RNASE4: variants seen among roughly 807,000 people sequenced by gnomAD.
RNASE4 encodes ribonuclease 4.
For missense variants in RNASE4, 194 were observed against 192.8 expected, an observed-to-expected ratio of 1.01 and a Z score of -0.04; for synonymous variants, 93 against 71.4, an observed-to-expected ratio of 1.30 and a Z score of -1.52.
In RNASE4 at chr14:20,697,484, T is replaced by G. The variant is rs571581594; in HGVS notation, c.-17-1871T>G. 1.1e-4 allele frequency among the ~76,000 whole-genome samples: 16 copies of G among 152,278 alleles called. No individual in the cohort carries two copies. The South Asian group carries it at 2.7e-3, about 26-fold the overall frequency. ...AGGCACACAGATATGACATACAGCT[T>G]GATATCTTTATGTGCAAAGGCAAAA... On this transcript the variant is annotated intron_variant, in intron 1 of 1. Transcript: ENST00000555835.
intron 1 of RNASE4, chr14:20,699,088 G>T: frequency 2.7e-6 from 1 of 372,646 alleles, no homozygotes. Flanking sequence ...CACGCAGTCA[G>T]TCCCTGCCCT....
At chr14:20,695,394 C>CAAAA (rs552960263) in intron 1 of RNASE4, among the ~76,000 whole-genome samples, 7 of 114,674 alleles carry the variant, frequency 6.1e-5, no homozygotes, top group African/African-American at 6.7e-5. Flanking sequence ...GACTCCATCT[C>CAAAA]AAAAAAAAAA....
chr14:20,688,733 A>G, intron 1 of RNASE4: 1 of 985,270 alleles, frequency 1.0e-6, no homozygotes, highest in Non-Finnish European at 1.2e-6. Context: ...CTGGGACACT[A>G]TATATTAGGA....
intron 1 of RNASE4, among the ~76,000 whole-genome samples, chr14:20,697,785 A>G (rs1168090028): frequency 2.0e-5 from 3 of 152,180 alleles, no homozygotes; most frequent in African/African-American, 7.2e-5. Context: ...CTCTCAAAAC[A>G]TTGCCCTTGC....
intron 1 of RNASE4, among the ~76,000 whole-genome samples, chr14:20,685,955 T>A (rs2319383): frequency 2.0e-5 from 3 of 151,136 alleles, no homozygotes; most frequent in Non-Finnish European, 4.4e-5. Flanking sequence ...CAGGAGACTC[T>A]CTTGAACCTG....
rs190312398 is a variant in RNASE4 at position 20,700,692 on chromosome 14, C to G, written c.*877C>G. On this transcript the variant is annotated 3_prime_UTR_variant, in exon 2 of 2. Coordinates refer to ENST00000555835, the MANE Select transcript of RNASE4 (RefSeq NM_002937.5). The stretch of plus-strand genomic sequence containing the variant: ...ATGCACCTTAATAACCTCATAAACT[C>G]TGGTCAAAGACTAATGCCTATCAGA... 160 of 166,698 alleles carry G rather than the reference C, an allele frequency of 9.6e-4. No individual in the cohort carries two copies. The highest frequency in any genetic ancestry group is 4.8e-4 in the Non-Finnish European group (33 of 68,090). 10.3% of individuals were successfully genotyped at this position (166,698 alleles called of 1,614,324 possible).
intron 1 of RNASE4, among the ~76,000 whole-genome samples, chr14:20,692,523 A>G (rs918326915): frequency 3.9e-5 from 6 of 152,258 alleles, no homozygotes; most frequent in Non-Finnish European, 7.3e-5. Flanking sequence ...AGCAGGCAGC[A>G]TTAGATTCTC....
chr14:20,697,594 C>G (rs570113891), intron 1 of RNASE4, among the ~76,000 whole-genome samples: 2 of 152,128 alleles, frequency 1.3e-5, no homozygotes, highest in South Asian at 2.1e-4. Context: ...GAAAAGGTAG[C>G]CTTTCAGCAG....
intron 1 of RNASE4, among the ~76,000 whole-genome samples, chr14:20,689,944 G>A (rs1205945507): frequency 4.7e-5 from 7 of 149,256 alleles, no homozygotes; most frequent in Admixed American, 2.0e-4. Context: ...GGCCGGGCGC[G>A]GTGGCTCACG....
At chr14:20,691,476 G>A (rs1252598849) in intron 1 of RNASE4, among the ~76,000 whole-genome samples, 1 of 152,224 alleles carries the variant, frequency 6.6e-6, no homozygotes, top group African/African-American at 2.4e-5. Flanking sequence ...TGGCAAGTGG[G>A]TGGCTTGGCA....
At chr14:20,691,569 C>T (rs1458612082) in intron 1 of RNASE4, among the ~76,000 whole-genome samples, 1 of 152,172 alleles carries the variant, frequency 6.6e-6, no homozygotes, top group African/African-American at 2.4e-5. Flanking sequence ...CAATCATGTA[C>T]CTCTTTCTTG....
rs530263454 is a variant in RNASE4, at chr14:20,693,285, T to C, written c.-17-6070T>C. Among the ~76,000 whole-genome samples the C allele has an allele frequency of 1.6e-3, 251 of 152,350 alleles. 1 individual carries two copies. Among genetic ancestry groups the C allele is most frequent in the African/African-American group, 5.7e-3 (236 of 41,580 alleles). On this transcript the variant is annotated intron_variant, in intron 1 of 1. Transcript: ENST00000555835. ...GTGGATTTTGTAATGTTACGACTGA[T>C]AGAGAAATACTCAGTGATTCTAAGG...
Position 20,690,132 on chromosome 14 carries a change from G to A in RNASE4, c.-18+5374G>A, listed in dbSNP as rs550371808. On this transcript the variant is annotated intron_variant, in intron 1 of 1. Transcript: ENST00000555835. ...CGGGAGGCTGAGGCAGGAGAATGGC[G>A]TGAACCCGGGAGGCGGAGCTTGCAG... Among the ~76,000 whole-genome samples the A allele has an allele frequency of 2.4e-3, 347 of 144,700 alleles. 3 individuals are homozygous for A. The highest frequency in any genetic ancestry group is 3.4e-3 in the Non-Finnish European group (227 of 66,632). The allele number at this position is 144,700 out of a possible 152,430, so 94.9% of individuals were successfully genotyped here. A position where few individuals can be genotyped will look rare whatever the true frequency, so the allele number is the denominator to read the frequency against.
intron 1 of RNASE4, among the ~76,000 whole-genome samples, chr14:20,691,286 G>T (rs1456730688): frequency 6.6e-6 from 1 of 152,198 alleles, no homozygotes; most frequent in East Asian, 1.9e-4. Context: ...TCTGGCACCA[G>T]GCAGAAGAAT....
intron 1 of RNASE4, among the ~76,000 whole-genome samples, chr14:20,690,398 T>A (rs530603328): frequency 6.6e-6 from 1 of 152,292 alleles, no homozygotes; most frequent in East Asian, 1.9e-4. Flanking sequence ...CTTAGGCAGA[T>A]TCACTTTTAC....
chr14:20,691,185 T>C (rs923432760), intron 1 of RNASE4, among the ~76,000 whole-genome samples: 1 of 152,182 alleles, frequency 6.6e-6, no homozygotes. Context: ...AGAGAAGACA[T>C]TAGTAACATT....
chr14:20,693,780 C>T, intron 1 of RNASE4: 1 of 1,614,166 alleles, frequency 6.2e-7, no homozygotes, highest in Non-Finnish European at 8.5e-7. Context: ...TTATTCATGG[C>T]AACAAGCGCA....
chr14:20,694,362 C>A (rs1887000727), intron 1 of RNASE4, among the ~76,000 whole-genome samples: 1 of 139,460 alleles, frequency 7.2e-6, no homozygotes, highest in Non-Finnish European at 1.5e-5. Flanking sequence ...TGCAATGGCA[C>A]AATCTCGGCT....
chr14:20,695,266 A>G (rs1887046620), intron 1 of RNASE4, among the ~76,000 whole-genome samples: 2 of 152,024 alleles, frequency 1.3e-5, no homozygotes, highest in Admixed American at 1.3e-4. Context: ...GTGGTGGCAC[A>G]CACCTATAGT....
Sources: gnomAD v4.1 joint callset for allele counts (sites outside exome capture counted in the v4.1 genomes callset) on GRCh38, gnomAD v4.1.1 for gene constraint, MANE v1.5 for transcripts, NCBI Gene and HGNC (gene_info 2026-07-23, HGNC 2026-07-21) for gene names.